The following MRO variants were observed in gnomAD, a reference collection of about 807,000 sequenced individuals.
The protein encoded by MRO is maestro.
A neutral mutation model predicts 31.0 loss-of-function variants in MRO; 28 were observed. The ratio of observed to expected loss-of-function variants is 0.90; its 90% CI spans 0.67 to 1.24. The LOEUF (loss-of-function observed/expected upper bound fraction) is 1.24. Ranked by LOEUF, MRO falls within the 50% of genes most tolerant of loss-of-function variation. The probability of loss-of-function intolerance (pLI) is 0.00; values close to 1 mark genes in which losing one functional copy is unlikely to be tolerated. For missense variants in MRO, 332 were observed against 289.2 expected (o/e 1.15, Z -1.07); for synonymous variants, 108 against 108.4 (o/e 1.00, Z 0.02).
intron 5 of MRO, among the ~76,000 whole-genome samples, chr18:50,802,471 A>G (rs998775192): frequency 2.6e-5 from 4 of 152,180 alleles, no homozygotes; most frequent in Admixed American, 2.6e-4. Flanking sequence ...CAGAGCCAGT[A>G]TAGTAACCTA....
intron 2 of MRO, chr18:50,816,015 T>C (rs1378668521): frequency 1.3e-5 from 2 of 152,228 alleles, no homozygotes; most frequent in Admixed American, 6.5e-5. Flanking sequence ...GCATGGGGGG[T>C]AGAGTGAGAC....
At chr18:50,824,697 G>T (rs547433873), upstream of MRO, among the ~76,000 whole-genome samples, 6 of 146,144 alleles carry the variant, frequency 4.1e-5, no homozygotes, top group African/African-American at 1.3e-4. Context: ...CTTGTGATCC[G>T]CCCACCTCGG....
upstream of MRO, among the ~76,000 whole-genome samples, chr18:50,820,306 A>T (rs1215315291): frequency 6.6e-6 from 1 of 152,166 alleles, no homozygotes; most frequent in Non-Finnish European, 1.5e-5. Context: ...TCCCGAAAGG[A>T]GCGATTTAAG....
intron 4 of MRO, among the ~76,000 whole-genome samples, 191 bp downstream of exon 4, chr18:50,806,513 C>T (rs879205697): frequency 6.6e-6 from 1 of 152,154 alleles, no homozygotes; most frequent in Non-Finnish European, 1.5e-5. Flanking sequence ...CTGAGCTGCA[C>T]CTGGACTCCT....
intron 2 of MRO, among the ~76,000 whole-genome samples, chr18:50,818,271 C>T (rs1915103278): frequency 1.3e-5 from 2 of 152,328 alleles, no homozygotes; most frequent in Admixed American, 6.5e-5. Context: ...TCTATGGTCA[C>T]CACATATGCC....
At chr18:50,812,366 G>A (rs1446044060) in intron 2 of MRO, among the ~76,000 whole-genome samples, 1 of 152,070 alleles carries the variant, frequency 6.6e-6, no homozygotes, top group African/African-American at 2.4e-5. Flanking sequence ...TGGGTTGTTT[G>A]TCTTTTTCTG....
In MRO at chr18:50,819,757, G is replaced by C. The variant is rs1197576679; in HGVS notation, c.-126-55C>G. On this transcript the variant is annotated intron_variant, in intron 1 of 7. Coordinates refer to ENST00000398439, the MANE Select transcript of MRO (RefSeq NM_031939.6). Reference sequence around the variant, plus strand: ...GACGCAGGGTCTGTCCAGGATAACGGGTCGGCACAGAGTGTTGGAAAGTGA... The same window carrying C: ...GACGCAGGGTCTGTCCAGGATAACGCGTCGGCACAGAGTGTTGGAAAGTGA... 1.9e-6 allele frequency: 3 copies of C among 1,547,782 alleles called. No individual in the cohort carries two copies. The African/African-American group carries it at 4.1e-5, about 21-fold the overall frequency.
At chr18:50,801,099 C>T (rs1288105532) in intron 6 of MRO, among the ~76,000 whole-genome samples, 2 of 152,148 alleles carry the variant, frequency 1.3e-5, no homozygotes, top group Admixed American at 1.3e-4. Context: ...GCCCTCAACC[C>T]CATTACCCTG....
rs1260401728 is a variant in MRO at position 50,797,292 on chromosome 18, T to G, written c.*2045A>C. On this transcript the variant is annotated 3_prime_UTR_variant, in exon 8 of 8. Coordinates refer to ENST00000398439, the MANE Select transcript of MRO (RefSeq NM_031939.6). ...ACATGGTGATCTCAGGCACTCTCAT[T>G]TGTTCCTGGTAGTTCAACTCCTTAT... The G allele has an allele frequency of 6.6e-6, 1 of 152,230 alleles. No homozygotes were observed. The highest frequency in any genetic ancestry group is 1.5e-5 in the Non-Finnish European group (1 of 68,080). 9.4% of individuals were successfully genotyped at this position (152,230 alleles called of 1,614,324 possible).
rs1024066558 is a variant in MRO, at chr18:50,809,396, T to C, written c.5A>G (p.Asp2Gly). 1.6e-5 allele frequency: 26 copies of C among 1,611,420 alleles called. No individual in the cohort carries two copies. Among genetic ancestry groups the C allele is most frequent in the Non-Finnish European group, 2.0e-5 (23 of 1,178,668 alleles). The change falls in exon 3 of 8, where the codon GAC (aspartate) becomes GGC (glycine). Residue 2 changes from aspartate to glycine, a missense_variant. By Grantham distance (94) the Asp-to-Gly change is moderately conservative. Transcript: ENST00000398439. ...GCCCAGGATTCTCCTCTGTCTTTGG[T>C]CCATGGAACTAAAAACAAAACAAAA... M[D>G]QRQRRILGQP...
intron 5 of MRO, among the ~76,000 whole-genome samples, chr18:50,802,493 C>T (rs1333264031): frequency 2.0e-5 from 3 of 152,144 alleles, no homozygotes; most frequent in African/African-American, 7.2e-5. Flanking sequence ...ACACCTGACT[C>T]ATGGTGCACG....
chr18:50,801,568 A>T, intron 5 of MRO, 64 bp from the exon 6 acceptor site: 1 of 1,462,182 alleles, frequency 6.8e-7, no homozygotes, highest in East Asian at 2.3e-5. Context: ...ACTGCATCTG[A>T]ACACATCACA....
rs2144675022 is a variant in MRO at position 50,818,308 on chromosome 18, G to A, written c.-5+1273C>T. ...AGCCTTGTATGACCAAGACCAGGAGGTCACCTGGCCATTTGGAAGCCAAAG... is the reference window on the plus strand; with the variant it reads ...AGCCTTGTATGACCAAGACCAGGAGATCACCTGGCCATTTGGAAGCCAAAG... On this transcript the variant is annotated intron_variant, in intron 2 of 7. Coordinates refer to ENST00000398439, the MANE Select transcript of MRO (RefSeq NM_031939.6). 2.0e-5 allele frequency among the ~76,000 whole-genome samples: 3 copies of A among 152,270 alleles called. No homozygotes were observed. The East Asian group carries it at 5.8e-4, about 29-fold the overall frequency.
At chr18:50,813,682 C>T (rs28624844) in intron 2 of MRO, among the ~76,000 whole-genome samples, 31 of 152,356 alleles carry the variant, frequency 2.0e-4, no homozygotes, top group Non-Finnish European at 2.5e-4. Context: ...TTAAAATTCA[C>T]ATTAAGGATG....
chr18:50,799,430 C>T (rs893274576), intron 7 of MRO, 40 bp from the exon 8 acceptor site: 2 of 1,565,268 alleles, frequency 1.3e-6, no homozygotes, highest in Non-Finnish European at 1.8e-6. Flanking sequence ...GGGCAGGATT[C>T]AACAAACTTC....
upstream of MRO, chr18:50,820,205 C>T (rs778698664): frequency 3.5e-5 from 20 of 569,980 alleles, no homozygotes; most frequent in Non-Finnish European, 6.0e-5. Context: ...CACTGTGTTC[C>T]ATGCCAAGCA....
chr18:50,801,609 A>G (rs1913333986), intron 5 of MRO, 105 bp from the exon 6 acceptor site: 1 of 1,054,078 alleles, frequency 9.5e-7, no homozygotes, highest in Non-Finnish European at 1.4e-6. Context: ...ACAGCCGTCA[A>G]TCAGAACACA....
At chr18:50,815,407 A>C in intron 2 of MRO, 1 of 244,428 alleles carries the variant, frequency 4.1e-6, no homozygotes, top group Non-Finnish European at 8.4e-6. Flanking sequence ...AGGAGATGAC[A>C]GTGGATAGAA....
intron 2 of MRO, among the ~76,000 whole-genome samples, chr18:50,816,806 C>T (rs1439096794): frequency 6.6e-6 from 1 of 152,080 alleles, no homozygotes; most frequent in African/African-American, 2.4e-5. Flanking sequence ...AGCAAAACTC[C>T]CTCAAGCTGA....
Sources: gnomAD v4.1 joint callset for allele counts (sites outside exome capture counted in the v4.1 genomes callset) on GRCh38, gnomAD v4.1.1 for gene constraint, MANE v1.5 for transcripts, NCBI Gene and HGNC (gene_info 2026-07-23, HGNC 2026-07-21) for gene names.